TMEM132D: variants seen among roughly 807,000 people sequenced by gnomAD.
The protein encoded by TMEM132D is transmembrane protein 132D.
TMEM132D carries 21 observed loss-of-function variants against 62.3 expected under a neutral mutation model. The ratio of observed to expected loss-of-function variants is 0.34; its 90% CI spans 0.24 to 0.49. The LOEUF is 0.49. Among genes scored for constraint, TMEM132D ranks in the 20% least tolerant of loss-of-function variants. TMEM132D has a pLI of 0.99. For synonymous variants in TMEM132D, 621 were observed against 575.6 expected, an observed-to-expected ratio of 1.08 and a Z score of -1.13; for missense variants, 1,346 against 1,402.8, an observed-to-expected ratio of 0.96 and a Z score of 0.65.
intron 5 of TMEM132D, among the ~76,000 whole-genome samples, chr12:129,092,303 CTTTTT>C (rs3045890): frequency 7.5e-6 from 1 of 133,904 alleles, no homozygotes; most frequent in South Asian, 2.3e-4. Context: ...TCTCTCTTTC[CTTTTT>C]TTTTTTTTTT....
chr12:129,302,904 G>T (rs1042414375), intron 4 of TMEM132D, among the ~76,000 whole-genome samples: 4 of 152,150 alleles, frequency 2.6e-5, no homozygotes, highest in Non-Finnish European at 5.9e-5. Context: ...ACAACCCACT[G>T]CCAGCTGTGC....
intron 4 of TMEM132D, among the ~76,000 whole-genome samples, chr12:129,288,753 C>T (rs1881369742): frequency 6.6e-6 from 1 of 152,116 alleles, no homozygotes; most frequent in African/African-American, 2.4e-5. Flanking sequence ...TAATGGAAAG[C>T]AGGATCTGGG....
In TMEM132D at chr12:129,571,578, A is replaced by T. The variant is rs144319224; in HGVS notation, c.969-40373T>A. ...ACAGAATGAGACTCCATCTCAAAAA[A>T]AATAATAATAATAAAAAAGAAATTT... On this transcript the variant is annotated intron_variant, in intron 2 of 8. Transcript: ENST00000422113. 6.8e-4 allele frequency among the ~76,000 whole-genome samples: 103 copies of T among 152,214 alleles called. No individual in the cohort carries two copies. The East Asian group carries it at 0.018, about 26-fold the overall frequency.
chr12:129,278,307 T>G (rs1418011830), intron 4 of TMEM132D, among the ~76,000 whole-genome samples: 3 of 152,124 alleles, frequency 2.0e-5, no homozygotes, highest in Admixed American at 6.5e-5. Flanking sequence ...TGGGTCACCA[T>G]GCACATGAAA....
At chr12:129,858,766 A>G (rs71466449) in intron 1 of TMEM132D, among the ~76,000 whole-genome samples, 64 of 35,820 alleles carry the variant, frequency 1.8e-3, no homozygotes, top group African/African-American at 3.9e-3. Flanking sequence ...GAGTCCGGGG[A>G]AACGGGATGG....
chr12:129,463,265 A>AT (rs922907312), intron 3 of TMEM132D, among the ~76,000 whole-genome samples: 5 of 151,594 alleles, frequency 3.3e-5, no homozygotes, highest in Non-Finnish European at 4.4e-5. Flanking sequence ...TATTTTATTT[A>AT]TTTTTTTTGA....
At chr12:129,557,375 G>A (rs1877092226) in intron 2 of TMEM132D, among the ~76,000 whole-genome samples, 2 of 152,126 alleles carry the variant, frequency 1.3e-5, no homozygotes, top group Admixed American at 1.3e-4. Flanking sequence ...GAGAAATGAG[G>A]AGACGTGTTT....
chr12:129,332,009 G>A (rs778940717), intron 4 of TMEM132D, among the ~76,000 whole-genome samples: 9 of 152,246 alleles, frequency 5.9e-5, no homozygotes, highest in Non-Finnish European at 1.0e-4. Flanking sequence ...CCAGGAGTTC[G>A]AGACTAGCCT....
At chr12:129,901,984 A>C (rs966118396) in intron 1 of TMEM132D, among the ~76,000 whole-genome samples, 2 of 151,980 alleles carry the variant, frequency 1.3e-5, no homozygotes, top group African/African-American at 4.8e-5. Context: ...TTTCCTGTGC[A>C]CATTATAAAT....
intron 3 of TMEM132D, among the ~76,000 whole-genome samples, chr12:129,526,560 G>C (rs905919441): frequency 6.6e-6 from 1 of 152,186 alleles, no homozygotes; most frequent in South Asian, 2.1e-4. Flanking sequence ...TGGGATTACA[G>C]GCATGAGCCA....
intron 3 of TMEM132D, among the ~76,000 whole-genome samples, chr12:129,356,147 A>ATTT (rs35842499): frequency 0.061 from 2,224 of 36,456 alleles, 642 homozygotes; most frequent in Non-Finnish European, 0.076. Flanking sequence ...AACTGAAGGG[A>ATTT]TTTTTTTTTT....
chr12:129,806,444 C>T (rs1466475185), intron 1 of TMEM132D, among the ~76,000 whole-genome samples: 1 of 130,736 alleles, frequency 7.6e-6, no homozygotes, highest in Non-Finnish European at 1.6e-5. Flanking sequence ...ATCGCAAGAA[C>T]AAAAAACCAA....
chr12:129,610,277 C>CAA lies in TMEM132D; in HGVS notation c.969-79074_969-79073dup, dbSNP rs34621276. Reference sequence around the variant, plus strand: ...GGGCGACAAGAGCAAGGCTCTGTCTCAAAAAAAAAAAAAAAAAGAGAGACA... The same window carrying CAA: ...GGGCGACAAGAGCAAGGCTCTGTCTCAAAAAAAAAAAAAAAAAAAGAGAGACA... On this transcript the variant is annotated intron_variant, in intron 2 of 8. Coordinates refer to ENST00000422113, the MANE Select transcript of TMEM132D (RefSeq NM_133448.3). Among the ~76,000 whole-genome samples the CAA allele has an allele frequency of 9.3e-4, 101 of 108,748 alleles. 1 individual carries two copies. Among genetic ancestry groups the CAA allele is most frequent in the African/African-American group, 3.2e-3 (87 of 27,568 alleles). 71.3% of individuals were successfully genotyped at this position (108,748 alleles called of 152,430 possible).
At chr12:129,869,655 A>C (rs1248790033) in intron 1 of TMEM132D, among the ~76,000 whole-genome samples, 1 of 152,232 alleles carries the variant, frequency 6.6e-6, no homozygotes, top group African/African-American at 2.4e-5. Context: ...AGTGAACAAC[A>C]AAAAGTATTT....
chr12:129,263,695 G>GA (rs1334256580), intron 4 of TMEM132D, among the ~76,000 whole-genome samples: 5 of 152,112 alleles, frequency 3.3e-5, no homozygotes, highest in African/African-American at 1.2e-4. Context: ...AAGGCATTTT[G>GA]GGGATGTGTG....
intron 3 of TMEM132D, among the ~76,000 whole-genome samples, chr12:129,518,097 A>G (rs1330518147): frequency 6.6e-6 from 1 of 152,098 alleles, no homozygotes; most frequent in African/African-American, 2.4e-5. Flanking sequence ...TTTCCCCCCT[A>G]AGGAGGATAA....
chr12:129,410,790 T>C (rs1273326860), intron 3 of TMEM132D, among the ~76,000 whole-genome samples: 1 of 152,236 alleles, frequency 6.6e-6, no homozygotes, highest in East Asian at 1.9e-4. Flanking sequence ...ATACATTACA[T>C]GTGCATACTT....
rs903235391 is a variant in TMEM132D at position 129,676,185 on chromosome 12, CA to C, written c.968+23624del. Among the ~76,000 whole-genome samples, 15 of 152,160 alleles carry C rather than the reference CA, an allele frequency of 9.9e-5. No homozygotes were observed. The East Asian group carries it at 2.5e-3, about 26-fold the overall frequency. On this transcript the variant is annotated intron_variant, in intron 2 of 8. Coordinates refer to ENST00000422113, the MANE Select transcript of TMEM132D (RefSeq NM_133448.3). ...AATTTCAGGCAGTGTTAAGCTCTAG[CA>C]AAAAATAAACCACATCAAGATGATG...
At chr12:129,229,015 C>T (rs530665049) in intron 4 of TMEM132D, among the ~76,000 whole-genome samples, 69 of 152,274 alleles carry the variant, frequency 4.5e-4, no homozygotes, top group African/African-American at 1.4e-3. Flanking sequence ...GCTGACGTCT[C>T]CATTGAATTG....
Sources: gnomAD v4.1 joint callset for allele counts (sites outside exome capture counted in the v4.1 genomes callset) on GRCh38, gnomAD v4.1.1 for gene constraint, MANE v1.5 for transcripts, NCBI Gene and HGNC (gene_info 2026-07-23, HGNC 2026-07-21) for gene names.